STARD13: variants seen among roughly 807,000 people sequenced by gnomAD.
STARD13 encodes stAR-related lipid transfer protein 13.
In STARD13, 62 loss-of-function variants were observed where a neutral mutation model predicts 106.4. That is an observed-to-expected ratio of 0.58 (90% CI 0.48 to 0.72). The LOEUF is 0.72. STARD13 is among the 30% of genes least tolerant of loss of function. STARD13 has a pLI of 0.00. For synonymous variants in STARD13, 565 were observed against 553.0 expected, an observed-to-expected ratio of 1.02 and a Z score of -0.31; for missense variants, 1,387 against 1,424.0, an observed-to-expected ratio of 0.97 and a Z score of 0.42.
chr13:33,499,519 T>TTTCCTC, the STARD13 span, among the ~76,000 whole-genome samples: 18 of 91,978 alleles, frequency 2.0e-4, 1 homozygote, highest in Non-Finnish European at 3.1e-4. Context: ...TTCTTCTTTC[T>TTTCCTC]TTCTTCTTCT....
the STARD13 span, among the ~76,000 whole-genome samples, chr13:33,616,342 C>T: frequency 7.2e-4 from 109 of 152,240 alleles, no homozygotes; most frequent in African/African-American, 2.3e-3. Context: ...AGCACCCTCA[C>T]GTAAAGTGAG....
At chr13:33,635,455 C>T in the STARD13 span, among the ~76,000 whole-genome samples, 46 of 151,582 alleles carry the variant, frequency 3.0e-4, no homozygotes, top group South Asian at 2.1e-4. Context: ...GTCAGGAGAT[C>T]GAGACCATCC....
At chr13:33,613,871 G>A in the STARD13 span, among the ~76,000 whole-genome samples, 1 of 152,184 alleles carries the variant, frequency 6.6e-6, no homozygotes, top group Non-Finnish European at 1.5e-5. Flanking sequence ...GGTCCTTTTA[G>A]GGCTAAAAGT....
intron 1 of STARD13, among the ~76,000 whole-genome samples, chr13:33,229,782 T>G (rs766467749): frequency 1.3e-5 from 2 of 152,220 alleles, no homozygotes; most frequent in Non-Finnish European, 2.9e-5. Context: ...TCCCTACGCA[T>G]CACCCTGGCC....
intron 3 of STARD13, among the ~76,000 whole-genome samples, chr13:33,163,589 C>CAAAA (rs577772737): frequency 1.9e-5 from 1 of 53,724 alleles, no homozygotes; most frequent in African/African-American, 6.3e-5. Flanking sequence ...GACTCTGTCT[C>CAAAA]AAAAAAAAAA....
chr13:33,479,525 G>A, the STARD13 span, among the ~76,000 whole-genome samples: 45,562 of 152,166 alleles, frequency 0.3, 7,710 homozygotes, highest in Non-Finnish European at 0.39. Flanking sequence ...ATGCAATGGA[G>A]TGCTAAGGTG....
At chr13:33,203,217 C>T (rs950636890) in intron 1 of STARD13, among the ~76,000 whole-genome samples, 2 of 138,560 alleles carry the variant, frequency 1.4e-5, no homozygotes, top group African/African-American at 2.8e-5. Context: ...GAACAGGGTG[C>T]GTGGTGATTC....
At chr13:33,168,104 T>C (rs1005955255) in intron 1 of STARD13, among the ~76,000 whole-genome samples, 9 of 152,076 alleles carry the variant, frequency 5.9e-5, no homozygotes, top group African/African-American at 1.9e-4. Context: ...AGATTGCCTA[T>C]GAAAATGTAT....
At chr13:33,133,584 G>T (rs1878627375) in intron 4 of STARD13, among the ~76,000 whole-genome samples, 1 of 150,938 alleles carries the variant, frequency 6.6e-6, no homozygotes, top group Non-Finnish European at 1.5e-5. Context: ...CAAACTATTT[G>T]ATAGTGACAC....
exon 1 of STARD13, chr13:33,350,357 C>T: frequency 6.5e-7 from 1 of 1,534,520 alleles, no homozygotes; most frequent in Non-Finnish European, 8.7e-7. Context: ...AGTCCCGCAA[C>T]TGCTCACTGA....
rs1482035777 is a variant in STARD13 at position 33,109,497 on chromosome 13, G to A, written c.3047+376C>T. Among the ~76,000 whole-genome samples the A allele has an allele frequency of 2.0e-5, 3 of 152,152 alleles. No individual in the cohort carries two copies. The East Asian group carries it at 5.8e-4, about 29-fold the overall frequency. On this transcript the variant is annotated intron_variant, in intron 12 of 13. Transcript: ENST00000336934. Reference sequence around the variant, plus strand: ...TGAGAGTTACACACACTTTCCCAGGGGAGAAAAACAAAATCAGAAGAAAAG... The same window carrying A: ...TGAGAGTTACACACACTTTCCCAGGAGAGAAAAACAAAATCAGAAGAAAAG...
chr13:33,499,631 C>CT, the STARD13 span, among the ~76,000 whole-genome samples: 1 of 124,964 alleles, frequency 8.0e-6, no homozygotes, highest in Non-Finnish European at 1.6e-5. Context: ...TCTTCTTCTT[C>CT]TTCTTCTTCT....
intron 1 of STARD13, among the ~76,000 whole-genome samples, chr13:33,338,119 T>A (rs116275185): frequency 9.1e-4 from 138 of 152,346 alleles, no homozygotes; most frequent in African/African-American, 3.2e-3. Context: ...AAGTTGCTGG[T>A]ATAAGTTGCT....
intron 13 of STARD13, 35 bp from the exon 14 acceptor site, chr13:33,105,745 G>A (rs539174920): frequency 5.5e-5 from 86 of 1,560,020 alleles, no homozygotes; most frequent in Non-Finnish European, 7.1e-5. Context: ...AAGTGGGAAA[G>A]TTTGTTTCCA....
At chr13:33,402,877 C>T in the STARD13 span, among the ~76,000 whole-genome samples, 3 of 152,230 alleles carry the variant, frequency 2.0e-5, no homozygotes, top group Non-Finnish European at 4.4e-5. Context: ...CCATTCATCC[C>T]ACTGAGAGCC....
chr13:33,217,391 C>A (rs1888104850), intron 1 of STARD13, among the ~76,000 whole-genome samples: 2 of 152,214 alleles, frequency 1.3e-5, no homozygotes, highest in Admixed American at 1.3e-4. Context: ...TGCTTGGCCT[C>A]TTCAAAACCC....
At chr13:33,565,620 C>T in the STARD13 span, among the ~76,000 whole-genome samples, 1 of 147,798 alleles carries the variant, frequency 6.8e-6, no homozygotes, top group Non-Finnish European at 1.5e-5. Flanking sequence ...ATAATTTGGG[C>T]CTTCTAATCC....
chr13:33,253,804 G>A (rs768795683), intron 1 of STARD13, among the ~76,000 whole-genome samples: 9 of 152,138 alleles, frequency 5.9e-5, no homozygotes, highest in African/African-American at 1.9e-4. Flanking sequence ...AAAATAGTAC[G>A]ATCTAAAGAT....
At chr13:33,405,420 G>A in the STARD13 span, among the ~76,000 whole-genome samples, 14 of 152,242 alleles carry the variant, frequency 9.2e-5, no homozygotes, top group African/African-American at 3.4e-4. Context: ...GAAGCCAGGA[G>A]CCATTCCTTG....
Sources: gnomAD v4.1 joint callset for allele counts (sites outside exome capture counted in the v4.1 genomes callset) on GRCh38, gnomAD v4.1.1 for gene constraint, MANE v1.5 for transcripts, NCBI Gene and HGNC (gene_info 2026-07-23, HGNC 2026-07-21) for gene names.